NUP210L: variants seen among roughly 807,000 people sequenced by gnomAD.
NUP210L encodes the protein nuclear pore membrane glycoprotein 210-like.
NUP210L carries 74 observed loss-of-function variants against 208.5 expected under a neutral mutation model. That is an observed-to-expected ratio of 0.35 (90% CI 0.29 to 0.43). The LOEUF (loss-of-function observed/expected upper bound fraction) is 0.43. NUP210L is among the 20% of genes least tolerant of loss of function. The pLI is 1.00. For synonymous variants in NUP210L, 780 were observed against 816.9 expected (o/e 0.95, Z 0.77); for missense variants, 1,843 against 2,289.4 (o/e 0.81, Z 3.98).
rs1659535848 is a variant in NUP210L at position 154,153,773 on chromosome 1, A to T, written c.204-901T>A. ...ATTAATATTTTTGGAGTGATAGAAGAAATGGCTTTCAATGCTGGAAAGATG... is the reference window on the plus strand; with the variant it reads ...ATTAATATTTTTGGAGTGATAGAAGTAATGGCTTTCAATGCTGGAAAGATG... On this transcript the variant is annotated intron_variant, in intron 1 of 39. Coordinates refer to ENST00000368559, the Ensembl canonical transcript of NUP210L. Among the ~76,000 whole-genome samples, 4 of 152,172 alleles carry T rather than the reference A, an allele frequency of 2.6e-5. No homozygotes were observed. The South Asian group carries it at 8.3e-4, about 32-fold the overall frequency.
chr1:154,095,280 A>T, intron 14 of NUP210L, 124 bp from the exon 15 acceptor site: 1 of 700,260 alleles, frequency 1.4e-6, no homozygotes, highest in Non-Finnish European at 2.4e-6. Flanking sequence ...ATTAAGAGAT[A>T]TGTATGCCAT....
At chr1:154,072,493 C>T (rs1241494433) in intron 16 of NUP210L, among the ~76,000 whole-genome samples, 2 of 151,744 alleles carry the variant, frequency 1.3e-5, no homozygotes, top group African/African-American at 2.4e-5. Context: ...CCACCACGAC[C>T]GGCTAATTTT....
intron 6 of NUP210L, among the ~76,000 whole-genome samples, chr1:154,136,918 T>TC (rs1658576553): frequency 1.1e-4 from 1 of 8,928 alleles, no homozygotes; most frequent in South Asian, 2.8e-3. Context: ...AGAATCCATC[T>TC]CAAAAAAAAA....
chr1:154,039,762 T>C (rs1452820375), intron 27 of NUP210L, among the ~76,000 whole-genome samples: 2 of 152,186 alleles, frequency 1.3e-5, no homozygotes, highest in Non-Finnish European at 2.9e-5. Flanking sequence ...AGTTTGATTA[T>C]TGAATGTCTT....
intron 27 of NUP210L, among the ~76,000 whole-genome samples, chr1:154,036,671 T>C (rs557051799): frequency 6.6e-6 from 1 of 151,702 alleles, no homozygotes; most frequent in Non-Finnish European, 1.5e-5. Flanking sequence ...AGCCAGAACA[T>C]ACATATTTTT....
intron 29 of NUP210L, 89 bp downstream of exon 29, chr1:154,027,417 G>A: frequency 1.1e-6 from 1 of 899,186 alleles, no homozygotes; most frequent in Non-Finnish European, 1.7e-6. Flanking sequence ...AAATCTCCTA[G>A]AAGGCAAAAG....
At chr1:154,048,517 C>T (rs1039600519) in intron 25 of NUP210L, among the ~76,000 whole-genome samples, 10 of 152,192 alleles carry the variant, frequency 6.6e-5, no homozygotes, top group Non-Finnish European at 1.5e-4. Context: ...ATCAGTGTCA[C>T]TCTAAGTTTG....
At chr1:154,044,175 G>A (rs879273490) in intron 27 of NUP210L, among the ~76,000 whole-genome samples, 31 of 152,008 alleles carry the variant, frequency 2.0e-4, no homozygotes, top group Non-Finnish European at 3.7e-4. Flanking sequence ...GGAGGCCGAG[G>A]TGGGTGGATC....
chr1:154,060,124 A>T (rs373713341), intron 20 of NUP210L, among the ~76,000 whole-genome samples: 129 of 152,316 alleles, frequency 8.5e-4, no homozygotes, highest in Non-Finnish European at 1.6e-3. Flanking sequence ...CTGTAATCCC[A>T]GCTACTCAGG....
rs751168629 is a variant in NUP210L, at chr1:154,025,657, A to G, written c.4007T>C (p.Ile1336Thr). The G allele has an allele frequency of 2.5e-6, 4 of 1,613,932 alleles. No individual in the cohort carries two copies. In the South Asian group the frequency reaches 3.3e-5, roughly 13 times the overall value. Residue 1336 changes from isoleucine (I) to threonine (T), a missense_variant, in exon 30 of 40, where the codon ATT (isoleucine) becomes ACT (threonine). Transcript: ENST00000368559. Reference sequence around the variant, plus strand: ...CAGGAGCCCTTCACCATCCTCCTCAATGACGGATGAATTAGGGAAACACTT... The same window carrying G: ...CAGGAGCCCTTCACCATCCTCCTCAGTGACGGATGAATTAGGGAAACACTT...
At chr1:154,098,407 C>T (rs935810602) in intron 14 of NUP210L, among the ~76,000 whole-genome samples, 3 of 152,176 alleles carry the variant, frequency 2.0e-5, no homozygotes, top group Non-Finnish European at 4.4e-5. Flanking sequence ...TTGGGAAGGT[C>T]CCAAGTTCTT....
At chr1:154,039,781 C>T (rs922327728) in intron 27 of NUP210L, 2 of 152,044 alleles carry the variant, frequency 1.3e-5, no homozygotes, top group African/African-American at 2.4e-5. Context: ...TTGAGGTAGC[C>T]TTACTTGGGT....
rs569211787 is a variant in NUP210L, at chr1:154,000,579, G to T, written c.5386+277C>A. ...ATTTGATAGCAGAGACTGCTACTAAGTGACTAAAGGGCTGATAGTGTATAC... is the reference window on the plus strand; with the variant it reads ...ATTTGATAGCAGAGACTGCTACTAATTGACTAAAGGGCTGATAGTGTATAC... On this transcript the variant is annotated intron_variant, in intron 37 of 39. Coordinates refer to ENST00000368559, the Ensembl canonical transcript of NUP210L. 7.8e-4 allele frequency among the ~76,000 whole-genome samples: 119 copies of T among 152,306 alleles called. No individual in the cohort carries two copies. In the South Asian group the frequency reaches 8.1e-3, roughly 10 times the overall value.
At chr1:154,132,135 G>A (rs1315579361) in intron 7 of NUP210L, among the ~76,000 whole-genome samples, 1 of 152,132 alleles carries the variant, frequency 6.6e-6, no homozygotes, top group Non-Finnish European at 1.5e-5. Context: ...TACATTTTAA[G>A]CATTCCTTCA....
intron 27 of NUP210L, among the ~76,000 whole-genome samples, chr1:154,041,953 C>T (rs1216858590): frequency 1.3e-5 from 2 of 152,182 alleles, no homozygotes; most frequent in African/African-American, 4.8e-5. Context: ...TTCCTTTGTG[C>T]AGATTTCAAT....
intron 35 of NUP210L, among the ~76,000 whole-genome samples, chr1:154,005,212 A>ATTAT (rs1175039319): frequency 4.0e-5 from 6 of 150,554 alleles, no homozygotes; most frequent in South Asian, 2.1e-4. Context: ...AACTGCCTTC[A>ATTAT]TTATTTATTT....
At chr1:154,115,141 G>A (rs1657255593) in intron 12 of NUP210L, among the ~76,000 whole-genome samples, 1 of 152,088 alleles carries the variant, frequency 6.6e-6, no homozygotes, top group Non-Finnish European at 1.5e-5. Flanking sequence ...GCACCAGCAA[G>A]TATCTTTTGT....
At chr1:154,084,302 C>T (rs1226919505) in intron 16 of NUP210L, among the ~76,000 whole-genome samples, 2 of 148,902 alleles carry the variant, frequency 1.3e-5, no homozygotes, top group South Asian at 2.1e-4. Context: ...ACCTCCATCT[C>T]CTGGGTTCAA....
intron 29 of NUP210L, among the ~76,000 whole-genome samples, chr1:154,027,105 AAAAAAC>A (rs1364959660): frequency 2.9e-4 from 43 of 150,820 alleles, no homozygotes; most frequent in African/African-American, 1.0e-3. Context: ...AACAAAAAAA[AAAAAAC>A]AAAAAACACA....
Sources: allele counts gnomAD v4.1 joint callset (sites outside exome capture counted in the v4.1 genomes callset), GRCh38; gene constraint gnomAD v4.1.1; transcripts MANE v1.5; gene names NCBI Gene and HGNC (gene_info 2026-07-23, HGNC 2026-07-21).